IRGM: variants seen among roughly 807,000 people sequenced by gnomAD.
IRGM encodes the protein immunity related GTPase M.
For synonymous variants in IRGM, 98 were observed against 80.6 expected, an observed-to-expected ratio of 1.22 and a Z score of -1.16; for missense variants, 288 against 219.9, an observed-to-expected ratio of 1.31 and a Z score of -1.96.
intron 1 of IRGM, among the ~76,000 whole-genome samples, chr5:150,858,804 T>C (rs1021194369): frequency 6.6e-6 from 1 of 152,240 alleles, no homozygotes. Context: ...TGAAGTTGCT[T>C]ATCAGCTTGA....
intron 1 of IRGM, among the ~76,000 whole-genome samples, chr5:150,861,934 C>T (rs1186335356): frequency 2.6e-5 from 4 of 152,200 alleles, no homozygotes; most frequent in Non-Finnish European, 4.4e-5. Flanking sequence ...AAACTAGAGA[C>T]TTAATAAAAT....
chr5:150,852,193 G>A (rs553445916), downstream of IRGM, among the ~76,000 whole-genome samples: 34 of 152,200 alleles, frequency 2.2e-4, no homozygotes, highest in Middle Eastern at 3.4e-3. Flanking sequence ...CCGTGGTAGC[G>A]TAATGACTAA....
At chr5:150,850,122 G>A (rs1457729234), downstream of IRGM, among the ~76,000 whole-genome samples, 1 of 152,090 alleles carries the variant, frequency 6.6e-6, no homozygotes, top group Non-Finnish European at 1.5e-5. Context: ...TTTTGGAGGG[G>A]AACAAGAGAG....
chr5:150,848,205 A>G lies in IRGM; in HGVS notation c.82A>G (p.Ile28Val). ...CTCTAACATCAAGGAGACTCTGAAG[A>G]TAGTGTCCAGGACACCAGTTAACAT... ...VISNIKETLK[I>V]VSRTPVNITM... Residue 28 changes from isoleucine to valine, a missense_variant, in exon 2 of 2, where the codon ATA becomes GTA. Physicochemically the swap from Ile to Val is conservative, Grantham distance 29. Coordinates refer to ENST00000522154, the MANE Select transcript of IRGM (RefSeq NM_001145805.2). The G allele has an allele frequency of 6.4e-7, 1 of 1,551,778 alleles. No homozygotes were observed. Among genetic ancestry groups the G allele is most frequent in the South Asian group, 1.2e-5 (1 of 84,060 alleles).
chr5:150,878,199 T>C (rs1237353778), intron 2 of IRGM: 1 of 372,480 alleles, frequency 2.7e-6, no homozygotes, highest in Non-Finnish European at 5.2e-6. Flanking sequence ...TTGTTGTTAA[T>C]GCTTCCTAAC....
chr5:150,861,225 C>T (rs977377310), intron 1 of IRGM, among the ~76,000 whole-genome samples: 5 of 152,178 alleles, frequency 3.3e-5, no homozygotes, highest in African/African-American at 9.7e-5. Context: ...TGGGATTTTA[C>T]ATGGGGCTGT....
intron 3 of IRGM, among the ~76,000 whole-genome samples, chr5:150,889,309 T>C (rs909562247): frequency 3.3e-5 from 5 of 152,036 alleles, no homozygotes; most frequent in Non-Finnish European, 7.4e-5. Context: ...ACATCTCACA[T>C]GGTGCCAGAC....
At chr5:150,866,298 T>C (rs1278656957) in intron 1 of IRGM, among the ~76,000 whole-genome samples, 3 of 152,148 alleles carry the variant, frequency 2.0e-5, no homozygotes, top group African/African-American at 7.2e-5. Context: ...CAACGGCAAG[T>C]AGCTCACCTG....
downstream of IRGM, among the ~76,000 whole-genome samples, chr5:150,849,191 C>T (rs763272873): frequency 1.4e-4 from 21 of 152,146 alleles, no homozygotes; most frequent in Non-Finnish European, 2.5e-4. Flanking sequence ...CTGAGATCTA[C>T]AACAAAACCT....
chr5:150,896,199 T>G, intron 3 of IRGM: 1 of 1,613,654 alleles, frequency 6.2e-7, no homozygotes, highest in Non-Finnish European at 8.5e-7. Flanking sequence ...TTCCCCAGTG[T>G]GAACTCTCTG....
At chr5:150,899,121 G>T (rs932469159) in intron 3 of IRGM, among the ~76,000 whole-genome samples, 1 of 151,956 alleles carries the variant, frequency 6.6e-6, no homozygotes, top group Non-Finnish European at 1.5e-5. Context: ...AAGGAGAGAG[G>T]CATGAAACAA....
At chr5:150,867,222 T>C (rs1298363436) in intron 1 of IRGM, among the ~76,000 whole-genome samples, 1 of 152,212 alleles carries the variant, frequency 6.6e-6, no homozygotes, top group Non-Finnish European at 1.5e-5. Flanking sequence ...TCACTGCCAC[T>C]TATAAGTGAG....
At chr5:150,872,018 C>A (rs1266975998) in intron 1 of IRGM, among the ~76,000 whole-genome samples, 5 of 152,192 alleles carry the variant, frequency 3.3e-5, no homozygotes, top group South Asian at 2.1e-4. Flanking sequence ...GCACACCAGA[C>A]TTTTCTCTGT....
chr5:150,848,554 T>A lies in IRGM; in HGVS notation c.431T>A (p.Val144Asp). The A allele has an allele frequency of 6.4e-7, 1 of 1,551,816 alleles. No individual in the cohort carries two copies. The highest frequency in any genetic ancestry group is 2.4e-5 in the East Asian group (1 of 41,062). The change falls in exon 2 of 2, where the codon GTC becomes GAC. Residue 144 changes from valine to aspartate, a missense_variant. Coordinates refer to ENST00000522154, the MANE Select transcript of IRGM (RefSeq NM_001145805.2). ...GACATGGGAAAGAAGTTCTACATTG[T>A]CTGGACCAAGCTAGACATGGACCTC... ...AEDMGKKFYI[V>D]WTKLDMDLST...
At chr5:150,857,472 T>C (rs1021518444) in intron 1 of IRGM, among the ~76,000 whole-genome samples, 6 of 152,150 alleles carry the variant, frequency 3.9e-5, no homozygotes, top group African/African-American at 1.4e-4. Context: ...TCAAATGGTA[T>C]TTCTAGTTCT....
chr5:150,858,263 C>G (rs1241361787), intron 1 of IRGM, among the ~76,000 whole-genome samples: 1 of 152,062 alleles, frequency 6.6e-6, no homozygotes, highest in Non-Finnish European at 1.5e-5. Flanking sequence ...TCTGAGGGCT[C>G]TGTTCTGTTC....
intron 1 of IRGM, among the ~76,000 whole-genome samples, chr5:150,857,255 A>G (rs1754071465): frequency 6.6e-6 from 1 of 152,200 alleles, no homozygotes; most frequent in African/African-American, 2.4e-5. Flanking sequence ...TACAAAGGAC[A>G]TGAACTCATC....
chr5:150,897,896 C>T (rs914195957), intron 3 of IRGM: 2 of 737,342 alleles, frequency 2.7e-6, no homozygotes, highest in Non-Finnish European at 4.2e-6. Flanking sequence ...ACACAAGAGA[C>T]AGGATCAACA....
chr5:150,854,515 A>G (rs1048606455), intron 1 of IRGM, among the ~76,000 whole-genome samples: 18 of 152,102 alleles, frequency 1.2e-4, no homozygotes, highest in African/African-American at 4.1e-4. Context: ...GTAGCCTCTT[A>G]GCTTGTTTAC....
Sources: allele counts gnomAD v4.1 joint callset (sites outside exome capture counted in the v4.1 genomes callset), GRCh38; gene constraint gnomAD v4.1.1; transcripts MANE v1.5; gene names NCBI Gene and HGNC (gene_info 2026-07-23, HGNC 2026-07-21).